Variants in TRPS1 observed in about 807,000 individuals in gnomAD.
The protein encoded by TRPS1 is zinc finger transcription factor Trps1.
Under a neutral mutation model 101.2 loss-of-function variants are expected in TRPS1, and 6 were observed. The ratio of observed to expected loss-of-function variants is 0.06; its 90% CI spans 0.03 to 0.12. The LOEUF (loss-of-function observed/expected upper bound fraction) is 0.12, where lower values mean the gene tolerates loss of function less well. TRPS1 is among the 10% of genes least tolerant of loss of function. The probability of loss-of-function intolerance (pLI) is 1.00; values close to 1 mark genes in which losing one functional copy is unlikely to be tolerated. For synonymous variants in TRPS1, 578 were observed against 589.8 expected, an observed-to-expected ratio of 0.98 and a Z score of 0.29; for missense variants, 1,363 against 1,567.0, an observed-to-expected ratio of 0.87 and a Z score of 2.20.
At chr8:115,459,486 C>T (rs540167428) in intron 5 of TRPS1, among the ~76,000 whole-genome samples, 87 of 152,154 alleles carry the variant, frequency 5.7e-4, no homozygotes, top group Non-Finnish European at 9.0e-4. Context: ...ACTCTTGAAA[C>T]AGGAAGGATA....
chr8:115,479,680 T>G (rs539258082), intron 5 of TRPS1, among the ~76,000 whole-genome samples: 31 of 152,296 alleles, frequency 2.0e-4, no homozygotes, highest in South Asian at 8.3e-4. Flanking sequence ...TAACAGTCTA[T>G]ATTTAACAGA....
At chr8:115,629,418 C>G (rs1818588467) in intron 1 of TRPS1, among the ~76,000 whole-genome samples, 1 of 151,690 alleles carries the variant, frequency 6.6e-6, no homozygotes, top group Non-Finnish European at 1.5e-5. Flanking sequence ...CATCTACATA[C>G]AATAAAATCC....
intron 5 of TRPS1, among the ~76,000 whole-genome samples, chr8:115,561,531 G>T (rs1816945950): frequency 1.3e-5 from 2 of 151,758 alleles, no homozygotes; most frequent in African/African-American, 4.8e-5. Context: ...CAATTTGGGG[G>T]CATGTAGAAA....
chr8:115,663,320 C>T (rs1366955879), intron 1 of TRPS1, among the ~76,000 whole-genome samples: 1 of 151,356 alleles, frequency 6.6e-6, no homozygotes, highest in East Asian at 1.9e-4. Flanking sequence ...TTAAAAGCTA[C>T]CAATTACTTC....
At chr8:115,588,289 C>T (rs1166160194) in intron 4 of TRPS1, among the ~76,000 whole-genome samples, 2 of 152,110 alleles carry the variant, frequency 1.3e-5, no homozygotes, top group Admixed American at 1.3e-4. Flanking sequence ...AAATATTGCT[C>T]ACTGATCTGT....
intron 5 of TRPS1, among the ~76,000 whole-genome samples, chr8:115,569,945 G>A (rs1817161276): frequency 6.6e-6 from 1 of 151,884 alleles, no homozygotes; most frequent in Non-Finnish European, 1.5e-5. Flanking sequence ...ATAAATTTTG[G>A]AGTCATGATT....
chr8:115,446,206 C>G (rs945347139), intron 5 of TRPS1, among the ~76,000 whole-genome samples: 9 of 151,936 alleles, frequency 5.9e-5, no homozygotes. Flanking sequence ...ATTTAAAACA[C>G]TCAGATAAGT....
intron 1 of TRPS1, among the ~76,000 whole-genome samples, chr8:115,638,399 A>C (rs16887598): frequency 0.037 from 5,650 of 152,198 alleles, 377 homozygotes; most frequent in African/African-American, 0.13. Context: ...CGAAGACATG[A>C]GTGCAATGAA....
intron 5 of TRPS1, among the ~76,000 whole-genome samples, chr8:115,433,722 C>A (rs1460738995): frequency 6.6e-6 from 1 of 152,080 alleles, no homozygotes; most frequent in Non-Finnish European, 1.5e-5. Context: ...CATATGAAAG[C>A]CATTGTTAAT....
intron 4 of TRPS1, among the ~76,000 whole-genome samples, chr8:115,602,549 C>A (rs558890671): frequency 6.6e-6 from 1 of 152,252 alleles, no homozygotes; most frequent in African/African-American, 2.4e-5. Flanking sequence ...CATTTTGATT[C>A]ACTGTGAACA....
At chr8:115,632,310 C>T (rs188019458) in intron 1 of TRPS1, among the ~76,000 whole-genome samples, 3 of 152,062 alleles carry the variant, frequency 2.0e-5, no homozygotes, top group Admixed American at 1.3e-4. Flanking sequence ...TCAAAATATA[C>T]TATACAAGTA....
chr8:115,414,744 G>A lies in TRPS1; in HGVS notation c.3164C>T (p.Pro1055Leu). 2.5e-6 allele frequency: 4 copies of A among 1,614,006 alleles called. No homozygotes were observed. The South Asian group carries it at 4.4e-5, about 18-fold the overall frequency. ...TCCTGGATCTCCAGTACTTTCCTGA[G>A]GACTTTTTATCTGAATGTGCAAAGG... ...MQPLHIQIKS[P>L]QESTGDPGNS... Residue 1055 changes from proline (P) to leucine (L), a missense_variant, in exon 7 of 7, where the codon CCT becomes CTT. This residue lies in a region of TRPS1 where 307 missense variants were observed against 392.4 expected (regional missense o/e 0.78). Coordinates refer to ENST00000395715, the MANE Select transcript of TRPS1 (RefSeq NM_014112.5). The surrounding 1 kb of genome is among the most constrained non-coding windows in gnomAD (Gnocchi z 4.8).
At chr8:115,629,527 T>A (rs1818591693) in intron 1 of TRPS1, among the ~76,000 whole-genome samples, 1 of 151,934 alleles carries the variant, frequency 6.6e-6, no homozygotes, top group South Asian at 2.1e-4. Context: ...ATAAAGAAGC[T>A]CTATTTTTTC....
intron 5 of TRPS1, among the ~76,000 whole-genome samples, chr8:115,521,586 A>G (rs1815863526): frequency 6.6e-6 from 1 of 152,050 alleles, no homozygotes; most frequent in Non-Finnish European, 1.5e-5. Flanking sequence ...ATACAATAAT[A>G]TCTCTAATAA....
chr8:115,621,978 A>C (rs574343781), intron 2 of TRPS1, among the ~76,000 whole-genome samples: 1 of 152,244 alleles, frequency 6.6e-6, no homozygotes, highest in East Asian at 1.9e-4. Flanking sequence ...TTCTTCTTAC[A>C]CATCAATAAT....
rs1563705647 is a variant in TRPS1 at position 115,409,269 on chromosome 8, A to AC, written c.*4753_*4754insG. ...TGCAGTTTATATGTTGGGAAAAAAA[A>AC]AAAAAAAAAAAACAGGGGAAAACCA... On this transcript the variant is annotated 3_prime_UTR_variant, in exon 7 of 7. Coordinates refer to ENST00000395715, the MANE Select transcript of TRPS1 (RefSeq NM_014112.5). 1.1e-4 allele frequency: 17 copies of AC among 149,140 alleles called. No individual in the cohort carries two copies. The highest frequency in any genetic ancestry group is 4.2e-4 in the African/African-American group (17 of 40,832). The allele number at this position is 149,140 out of a possible 1,614,324, so 9.2% of individuals were successfully genotyped here.
intron 5 of TRPS1, among the ~76,000 whole-genome samples, chr8:115,492,783 G>A (rs1815059945): frequency 1.3e-5 from 2 of 151,836 alleles, no homozygotes; most frequent in African/African-American, 4.8e-5. Context: ...GCAAGATCTC[G>A]GCTCACTGCA....
chr8:115,556,548 A>G (rs1415385880), intron 5 of TRPS1, among the ~76,000 whole-genome samples: 2 of 152,146 alleles, frequency 1.3e-5, no homozygotes. Context: ...CTGCTACCAT[A>G]TCTGTCTAAA....
intron 5 of TRPS1, among the ~76,000 whole-genome samples, chr8:115,564,905 T>C (rs1817031104): frequency 1.3e-5 from 2 of 152,118 alleles, no homozygotes; most frequent in Non-Finnish European, 2.9e-5. Flanking sequence ...TTCATAGGTT[T>C]ATAAATAATG....
Sources: allele counts gnomAD v4.1 joint callset (sites outside exome capture counted in the v4.1 genomes callset), GRCh38; gene constraint gnomAD v4.1.1; regional missense constraint gnomAD v4.1.1; non-coding constraint Gnocchi (gnomAD v3.1); transcripts MANE v1.5; gene names NCBI Gene and HGNC (gene_info 2026-07-23, HGNC 2026-07-21).